Variants in COA8 observed in about 807,000 individuals in gnomAD.
The protein encoded by COA8 is cytochrome c oxidase assembly factor 8, also known as UPF0671 protein C14orf153.
Under a neutral mutation model 22.0 loss-of-function variants are expected in COA8, and 20 were observed. That is an observed-to-expected ratio of 0.91 (90% CI 0.64 to 1.32). The LOEUF is 1.32. Among genes scored for constraint, COA8 ranks in the 40% most tolerant of loss-of-function variants. The probability of loss-of-function intolerance (pLI) is 0.00; values close to 1 mark genes in which losing one functional copy is unlikely to be tolerated. For synonymous variants in COA8, 105 were observed against 79.9 expected (o/e 1.31, Z -1.68); for missense variants, 266 against 230.0 (o/e 1.16, Z -1.01).
rs578147699 is a variant in COA8 at position 103,577,800 on chromosome 14, G to A, written c.385+3630G>A. Among the ~76,000 whole-genome samples, 20 of 152,116 alleles carry A rather than the reference G, an allele frequency of 1.3e-4. No individual in the cohort carries two copies. In the South Asian group the frequency reaches 3.7e-3, roughly 28 times the overall value. On this transcript the variant is annotated intron_variant, in intron 3 of 4. Coordinates refer to ENST00000409074, the MANE Select transcript of COA8 (RefSeq NM_001370595.2). ...AGCACTTTGGGAGGCTGAGGCAGGC[G>A]GATCACCTGAGGTCAGGAGTTTGAG...
chr14:103,564,084 C>T (rs1262918911), intron 1 of COA8, among the ~76,000 whole-genome samples: 1 of 151,622 alleles, frequency 6.6e-6, no homozygotes. Flanking sequence ...ACCCGGGAGA[C>T]GGAGGTTGCT....
chr14:103,571,321 A>G (rs978623904), intron 1 of COA8, among the ~76,000 whole-genome samples: 2 of 152,040 alleles, frequency 1.3e-5, no homozygotes, highest in African/African-American at 4.8e-5. Flanking sequence ...GTGAGCCGAG[A>G]TCTCGCCACT....
At chr14:103,565,383 T>A (rs944301002) in intron 1 of COA8, among the ~76,000 whole-genome samples, 4 of 152,166 alleles carry the variant, frequency 2.6e-5, no homozygotes, top group African/African-American at 4.8e-5. Context: ...GAAAAAAAAA[T>A]TAAGACTTTT....
At chr14:103,584,204 G>C (rs1035023663) in intron 3 of COA8, among the ~76,000 whole-genome samples, 4 of 152,120 alleles carry the variant, frequency 2.6e-5, no homozygotes, top group Non-Finnish European at 4.4e-5. Context: ...TGGCCTCCCA[G>C]CACCTCAATA....
chr14:103,576,364 G>A (rs998208467), intron 3 of COA8, among the ~76,000 whole-genome samples: 2 of 152,126 alleles, frequency 1.3e-5, no homozygotes, highest in Admixed American at 6.5e-5. Flanking sequence ...TACATAGTTC[G>A]CAGCTGTAGA....
chr14:103,572,049 C>T (rs1017996646), intron 2 of COA8, among the ~76,000 whole-genome samples: 15 of 151,794 alleles, frequency 9.9e-5, no homozygotes, highest in Non-Finnish European at 1.8e-4. Context: ...ATGGCGTGAA[C>T]CCGGGAGGCA....
chr14:103,568,546 TGTAC>T, intron 1 of COA8, among the ~76,000 whole-genome samples: 1 of 143,490 alleles, frequency 7.0e-6, no homozygotes, highest in South Asian at 2.1e-4. Context: ...TACACACACA[TGTAC>T]ACATATACAC....
At chr14:103,569,443 C>G (rs565491740) in intron 1 of COA8, among the ~76,000 whole-genome samples, 1 of 152,184 alleles carries the variant, frequency 6.6e-6, no homozygotes, top group African/African-American at 2.4e-5. Flanking sequence ...GAAAAGTAGC[C>G]GAACACACTT....
chr14:103,571,275 A>G (rs1177347640), intron 1 of COA8, among the ~76,000 whole-genome samples: 1 of 152,108 alleles, frequency 6.6e-6, no homozygotes, highest in African/African-American at 2.4e-5. Context: ...AGGCTGAGGC[A>G]GGAGAATGGC....
Position 103,590,267 on chromosome 14 carries a change from A to T in COA8, c.563A>T (p.Gln188Leu). The change falls in exon 5 of 5, where the codon CAA becomes CTA. Residue 188 changes from glutamine (Q) to leucine (L), a missense_variant. By Grantham distance (113) the Gln-to-Leu change is moderately radical. Transcript: ENST00000409074. ...ATTTGGAACAAGCTTAAACAGAAAC[A>T]AAAGAAGAGGAGCAACTAGGAGTCC... ...ERIWNKLKQK[Q>L]KKRSN 6.2e-7 allele frequency: 1 copy of T among 1,614,062 alleles called. No homozygotes were observed. The highest frequency in any genetic ancestry group is 8.5e-7 in the Non-Finnish European group (1 of 1,179,932).
Position 103,574,171 on chromosome 14 carries a change from G to A in COA8, c.385+1G>A. The A allele has an allele frequency of 2.5e-6, 4 of 1,610,168 alleles. No individual in the cohort carries two copies. Among genetic ancestry groups the A allele is most frequent in the Non-Finnish European group, 3.4e-6 (4 of 1,178,644 alleles). On this transcript the variant is annotated splice_donor_variant, in intron 3 of 4. Coordinates refer to ENST00000409074, the MANE Select transcript of COA8 (RefSeq NM_001370595.2). LOFTEE classifies it high-confidence loss of function. ...GGCCTGGGCCTGAGAACTGAATCAG[G>A]TTAGTGTGTTTGTTTGATTGTTTTT...
intron 1 of COA8, among the ~76,000 whole-genome samples, chr14:103,570,974 C>T (rs188520851): frequency 1.8e-3 from 273 of 152,224 alleles, no homozygotes; most frequent in Non-Finnish European, 3.3e-3. Context: ...GGAGCCATCA[C>T]GTTGGACTTG....
At chr14:103,585,228 C>T (rs1191090973) in intron 3 of COA8, among the ~76,000 whole-genome samples, 1 of 151,884 alleles carries the variant, frequency 6.6e-6, no homozygotes, top group Non-Finnish European at 1.5e-5. Context: ...CCTGTAATAC[C>T]AGCACTTTGG....
chr14:103,567,292 GA>G (rs1417194919), intron 1 of COA8: 2 of 149,560 alleles, frequency 1.3e-5, no homozygotes, highest in Non-Finnish European at 3.0e-5. Context: ...AGAATTGCTT[GA>G]ACCTGGTAGG....
intron 3 of COA8, among the ~76,000 whole-genome samples, chr14:103,578,211 G>A (rs2076243185): frequency 6.6e-6 from 1 of 151,902 alleles, no homozygotes; most frequent in Non-Finnish European, 1.5e-5. Context: ...AATTCATGTG[G>A]GGAAACATGG....
At chr14:103,582,896 A>AT (rs1269196135) in intron 3 of COA8, among the ~76,000 whole-genome samples, 1 of 152,030 alleles carries the variant, frequency 6.6e-6, no homozygotes, top group Non-Finnish European at 1.5e-5. Context: ...CCCCACACCC[A>AT]TTAGCCAGTC....
In COA8 at chr14:103,575,837, CT is replaced by C. The variant is rs2076226092; in HGVS notation, c.385+1668del. On this transcript the variant is annotated intron_variant, in intron 3 of 4. Transcript: ENST00000409074. ...ACTTCAGCCTCCCAAGTAGCTAGGA[CT>C]GCAGGTGCACGCCAGCACCACACCT... Among the ~76,000 whole-genome samples the C allele has an allele frequency of 2.0e-5, 3 of 152,104 alleles. No homozygotes were observed. In the South Asian group the frequency reaches 6.2e-4, roughly 32 times the overall value.
At chr14:103,580,194 A>C (rs2142295668) in intron 3 of COA8, among the ~76,000 whole-genome samples, 1 of 151,942 alleles carries the variant, frequency 6.6e-6, no homozygotes, top group African/African-American at 2.4e-5. Flanking sequence ...CTCCTGCCTC[A>C]GCCTCCCAAG....
intron 3 of COA8, among the ~76,000 whole-genome samples, chr14:103,584,863 G>A (rs2076293716): frequency 6.6e-6 from 1 of 152,220 alleles, no homozygotes; most frequent in Non-Finnish European, 1.5e-5. Flanking sequence ...GATTTGGCCA[G>A]GTGCAGTGGC....
Sources: gnomAD v4.1 joint callset for allele counts (sites outside exome capture counted in the v4.1 genomes callset) on GRCh38, gnomAD v4.1.1 for gene constraint, MANE v1.5 for transcripts, NCBI Gene and HGNC (gene_info 2026-07-23, HGNC 2026-07-21) for gene names.